Variants in CNTN4 observed in about 807,000 individuals in gnomAD.
CNTN4 encodes the protein contactin-4.
In CNTN4, 77 loss-of-function variants were observed where a neutral mutation model predicts 122.5. The observed-to-expected ratio is 0.63, with a 90% confidence interval of 0.52 to 0.76. The LOEUF is 0.76. CNTN4 is among the 30% of genes least tolerant of loss of function. CNTN4 has a pLI of 0.00. For missense variants in CNTN4, 1,256 were observed against 1,259.1 expected, an observed-to-expected ratio of 1.00 and a Z score of 0.04; for synonymous variants, 512 against 447.0, an observed-to-expected ratio of 1.15 and a Z score of -1.83.
intron 2 of CNTN4, among the ~76,000 whole-genome samples, chr3:2,321,879 CAGTG>C: frequency 6.6e-6 from 1 of 152,204 alleles, no homozygotes; most frequent in Middle Eastern, 3.4e-3. Context: ...TGGTAAGTAA[CAGTG>C]AGCTGCTTCA....
chr3:2,626,187 G>A (rs2082177424), intron 4 of CNTN4, among the ~76,000 whole-genome samples: 1 of 152,068 alleles, frequency 6.6e-6, no homozygotes, highest in Non-Finnish European at 1.5e-5. Flanking sequence ...TATTAACATA[G>A]TTGAGCCCAT....
intron 3 of CNTN4, among the ~76,000 whole-genome samples, chr3:2,433,872 G>A (rs978842647): frequency 6.6e-6 from 1 of 152,124 alleles, no homozygotes; most frequent in Non-Finnish European, 1.5e-5. Flanking sequence ...GGATGAACTT[G>A]GAGGACATTA....
At chr3:2,529,111 C>G (rs569063501) in intron 3 of CNTN4, among the ~76,000 whole-genome samples, 1 of 152,062 alleles carries the variant, frequency 6.6e-6, no homozygotes, top group South Asian at 2.1e-4. Context: ...TTGCTCTCCC[C>G]ACTCTTCCCA....
At chr3:2,289,476 A>G (rs959905787) in intron 2 of CNTN4, among the ~76,000 whole-genome samples, 12 of 152,268 alleles carry the variant, frequency 7.9e-5, no homozygotes, top group Non-Finnish European at 1.5e-4. Flanking sequence ...AGACCATATC[A>G]TGGTGCATGG....
chr3:3,029,809 G>A (rs954323896), intron 15 of CNTN4, among the ~76,000 whole-genome samples: 5 of 152,154 alleles, frequency 3.3e-5, no homozygotes, highest in African/African-American at 4.8e-5. Context: ...CAGAGGACAT[G>A]TGAGTATTTA....
intron 13 of CNTN4, among the ~76,000 whole-genome samples, chr3:2,965,305 TC>T (rs1692192641): frequency 6.6e-6 from 1 of 152,184 alleles, no homozygotes; most frequent in Non-Finnish European, 1.5e-5. Context: ...TTTGTGCTCC[TC>T]CTGGCCACTG....
chr3:2,433,100 G>C (rs1023804987), intron 3 of CNTN4, among the ~76,000 whole-genome samples: 1 of 152,094 alleles, frequency 6.6e-6, no homozygotes, highest in African/African-American at 2.4e-5. Flanking sequence ...TGGATTATAG[G>C]CATGAGCCAC....
At chr3:2,433,603 G>A (rs938283980) in intron 3 of CNTN4, among the ~76,000 whole-genome samples, 2 of 152,080 alleles carry the variant, frequency 1.3e-5, no homozygotes, top group Admixed American at 1.3e-4. Flanking sequence ...TTCTTTGGCT[G>A]TACAGAAGCT....
At chr3:2,592,158 G>A (rs2080526385) in intron 4 of CNTN4, among the ~76,000 whole-genome samples, 1 of 152,122 alleles carries the variant, frequency 6.6e-6, no homozygotes, top group African/African-American at 2.4e-5. Flanking sequence ...TGGACTTAGA[G>A]GCATGAGCCA....
intron 3 of CNTN4, among the ~76,000 whole-genome samples, chr3:2,563,472 G>C (rs900989098): frequency 1.3e-5 from 2 of 152,016 alleles, no homozygotes; most frequent in East Asian, 3.9e-4. Context: ...TGTTTAAATG[G>C]TATCTATTAT....
intron 2 of CNTN4, among the ~76,000 whole-genome samples, chr3:2,120,378 T>TATATATATATATATATATATAA (rs2033658772): frequency 1.0e-4 from 3 of 29,894 alleles, no homozygotes. Context: ...TATATAAATA[T>TATATATATATATATATATATAA]ATATATATAT....
chr3:2,403,574 TA>T (rs1284515322), intron 3 of CNTN4, among the ~76,000 whole-genome samples: 1 of 152,176 alleles, frequency 6.6e-6, no homozygotes, highest in African/African-American at 2.4e-5. Context: ...TGAATAATTG[TA>T]AATCACTCTT....
chr3:2,675,907 T>C (rs1047605556), intron 4 of CNTN4, among the ~76,000 whole-genome samples: 1 of 152,162 alleles, frequency 6.6e-6, no homozygotes, highest in African/African-American at 2.4e-5. Context: ...TTATCCTCCT[T>C]CTACCAACAA....
chr3:2,507,494 GA>G (rs1053788159), intron 3 of CNTN4, among the ~76,000 whole-genome samples: 2 of 151,940 alleles, frequency 1.3e-5, no homozygotes, highest in African/African-American at 4.8e-5. Flanking sequence ...ATCACTCTGG[GA>G]GGTGATCTTG....
chr3:2,784,968 T>C (rs556795876), intron 6 of CNTN4, among the ~76,000 whole-genome samples: 1 of 152,192 alleles, frequency 6.6e-6, no homozygotes, highest in Admixed American at 6.5e-5. Flanking sequence ...ACTTGAGTAG[T>C]TCCTGCTTGG....
intron 6 of CNTN4, among the ~76,000 whole-genome samples, chr3:2,767,601 T>C (rs2090918167): frequency 6.6e-6 from 1 of 152,168 alleles, no homozygotes; most frequent in African/African-American, 2.4e-5. Context: ...GAGATAACAG[T>C]GAGTCCATGG....
intron 15 of CNTN4, among the ~76,000 whole-genome samples, chr3:3,029,683 T>C (rs1192611570): frequency 2.0e-5 from 3 of 152,200 alleles, no homozygotes; most frequent in South Asian, 2.1e-4. Context: ...AGGGACTATA[T>C]GGGTTCAAAT....
chr3:2,918,187 C>T (rs893286245), intron 12 of CNTN4, among the ~76,000 whole-genome samples: 18 of 152,336 alleles, frequency 1.2e-4, no homozygotes, highest in Admixed American at 4.6e-4. Flanking sequence ...AAACATAGCT[C>T]TTCTACATTG....
At chr3:2,712,954 G>A (rs987967015) in intron 4 of CNTN4, among the ~76,000 whole-genome samples, 5 of 152,096 alleles carry the variant, frequency 3.3e-5, no homozygotes, top group South Asian at 2.1e-4. Context: ...CCAATACCTC[G>A]CCCTATGCAT....
Sources: allele counts gnomAD v4.1 joint callset (sites outside exome capture counted in the v4.1 genomes callset), GRCh38; gene constraint gnomAD v4.1.1; transcripts MANE v1.5; gene names NCBI Gene and HGNC (gene_info 2026-07-23, HGNC 2026-07-21).